ZAP70: variants seen among roughly 807,000 people sequenced by gnomAD.
ZAP70 encodes zeta chain of T cell receptor associated protein kinase 70.
A neutral mutation model predicts 65.8 loss-of-function variants in ZAP70; 27 were observed. That is an observed-to-expected ratio of 0.41 (90% confidence interval 0.30 to 0.57). The LOEUF is 0.57. Ranked by LOEUF, ZAP70 falls within the 20% of genes least tolerant of loss-of-function variation. The pLI is 0.28. For synonymous variants in ZAP70, 363 were observed against 360.8 expected, an observed-to-expected ratio of 1.01 and a Z score of -0.07; for missense variants, 696 against 870.5, an observed-to-expected ratio of 0.80 and a Z score of 2.52.
Position 97,737,939 on chromosome 2 carries a change from G to T in ZAP70, c.1623+42G>T. 6.2e-7 allele frequency: 1 copy of T among 1,614,010 alleles called. No homozygotes were observed. Among genetic ancestry groups the T allele is most frequent in the South Asian group, 1.1e-5 (1 of 91,084 alleles). ...GCAGGTGGGCGGTGTGGTGGGGAGG[G>T]GGATGAGGAGGAGGACACTGGTCAC... On this transcript the variant is annotated intron_variant, in intron 12 of 13. Transcript: ENST00000264972. The surrounding 1 kb of genome is among the most constrained non-coding windows in gnomAD (Gnocchi z 5.0).
intron 3 of ZAP70, 64 bp downstream of exon 3, chr2:97,724,502 T>G: frequency 6.6e-7 from 1 of 1,507,926 alleles, no homozygotes. Context: ...AGTCGAGGGT[T>G]TTGGGGGGAT....
intron 4 of ZAP70, among the ~76,000 whole-genome samples, chr2:97,726,828 A>G (rs1204813971): frequency 6.6e-6 from 1 of 152,264 alleles, no homozygotes; most frequent in Non-Finnish European, 1.5e-5. Flanking sequence ...TGTTTTCTCT[A>G]AGAGGAAACC....
intron 4 of ZAP70, 97 bp from the exon 5 acceptor site, chr2:97,732,786 G>T: frequency 3.2e-6 from 5 of 1,545,924 alleles, no homozygotes; most frequent in Non-Finnish European, 3.5e-6. Context: ...AAGGCTCTGA[G>T]GTGTGGAGCC....
intron 2 of ZAP70, among the ~76,000 whole-genome samples, chr2:97,721,944 C>T (rs765868888): frequency 2.8e-4 from 42 of 151,030 alleles, no homozygotes; most frequent in African/African-American, 1.2e-4. Flanking sequence ...CCACCATGCC[C>T]GGCTAATTTT....
Position 97,725,208 on chromosome 2 carries a change from C to T in ZAP70, c.519C>T (p.Ala173=), listed in dbSNP as rs759485019. 1.9e-6 allele frequency: 3 copies of T among 1,614,010 alleles called. No individual in the cohort carries two copies. The highest frequency in any genetic ancestry group is 1.1e-5 in the South Asian group (1 of 91,092). Residue 173 remains alanine, a synonymous_variant, in exon 4 of 14, where the codon GCC becomes GCT. Transcript: ENST00000264972. ...WYHSSLTREE[A]ERKLYSGAQT... ...ACAGCAGCCTGACGCGTGAGGAGGC[C>T]GAGCGCAAACTTTACTCTGGGGCGC... is the stretch of plus-strand genomic sequence containing the variant.
the ZAP70 span, among the ~76,000 whole-genome samples, chr2:97,750,993 A>G: frequency 2.6e-5 from 4 of 152,360 alleles, no homozygotes; most frequent in Non-Finnish European, 4.4e-5. Flanking sequence ...ATGAAGAGCA[A>G]ATCAAGGATC....
At chr2:97,725,328 T>C in intron 4 of ZAP70, 76 bp downstream of exon 4, 1 of 1,572,520 alleles carries the variant, frequency 6.4e-7, no homozygotes, top group Non-Finnish European at 8.7e-7. Flanking sequence ...GGGGCAGACG[T>C]GAGTGTGCAG....
At chr2:97,742,412 C>T (rs964993494), downstream of ZAP70, among the ~76,000 whole-genome samples, 1 of 152,248 alleles carries the variant, frequency 6.6e-6, no homozygotes, top group Non-Finnish European at 1.5e-5. Context: ...TTGCTGTGAA[C>T]GTCTCATGGC....
intron 2 of ZAP70, among the ~76,000 whole-genome samples, chr2:97,719,563 G>A (rs990041372): frequency 6.1e-5 from 9 of 148,058 alleles, no homozygotes; most frequent in Non-Finnish European, 1.3e-4. Flanking sequence ...TGGGGGGGGG[G>A]CGCAGACCAG....
intron 9 of ZAP70, 133 bp downstream of exon 9, chr2:97,734,845 C>T (rs925989299): frequency 3.3e-6 from 4 of 1,220,008 alleles, no homozygotes; most frequent in Admixed American, 2.0e-5. Flanking sequence ...TGGGGCAGGA[C>T]GTTGCACGCT....
In ZAP70 at chr2:97,724,303, C is replaced by T. The variant is rs777171551; in HGVS notation, c.267C>T (p.Arg89=). 10 of 1,589,592 alleles carry T rather than the reference C, an allele frequency of 6.3e-6. No individual in the cohort carries two copies. The Admixed American group carries it at 1.5e-4, about 24-fold the overall frequency. The stretch of plus-strand genomic sequence containing the variant: ...CAGAGCTCTGCGAGTTCTACTCGCG[C>T]GACCCCGACGGGCTGCCCTGCAACC... ...GPAELCEFYS[R]DPDGLPCNLR... Residue 89 remains arginine, a synonymous_variant, in exon 3 of 14, where the codon CGC becomes CGT. Coordinates refer to ENST00000264972, the MANE Select transcript of ZAP70 (RefSeq NM_001079.4).
intron 2 of ZAP70, among the ~76,000 whole-genome samples, chr2:97,717,605 G>A (rs1159847028): frequency 6.6e-6 from 1 of 152,228 alleles, no homozygotes; most frequent in Non-Finnish European, 1.5e-5. Context: ...TGTAATGGGG[G>A]CTTCTGATGC....
intron 4 of ZAP70, among the ~76,000 whole-genome samples, chr2:97,732,463 C>G (rs1343872987): frequency 2.6e-5 from 4 of 152,154 alleles, no homozygotes; most frequent in Non-Finnish European, 5.9e-5. Context: ...CCGAGTGTAC[C>G]CCCAATGAGT....
intron 2 of ZAP70, among the ~76,000 whole-genome samples, chr2:97,718,894 T>G (rs982130407): frequency 3.9e-5 from 6 of 152,022 alleles, no homozygotes; most frequent in Non-Finnish European, 7.4e-5. Context: ...GCTCCATGAG[T>G]CTTCAAGGAT....
chr2:97,750,850 CTTAGA>C, the ZAP70 span, among the ~76,000 whole-genome samples: 13 of 152,296 alleles, frequency 8.5e-5, no homozygotes, highest in East Asian at 1.9e-4. Context: ...AAAGAATGGA[CTTAGA>C]TTAGTCGGTT....
rs1472139586 is a variant in ZAP70 at position 97,737,370 on chromosome 2, A to C, written c.1290-103A>C. The stretch of plus-strand genomic sequence containing the variant: ...GTGCTCAATAAGCGTTTTTGAACAC[A>C]TGGTCACCTGGCTCATGCCCAGCTG... On this transcript the variant is annotated intron_variant, in intron 10 of 13. Coordinates refer to ENST00000264972, the MANE Select transcript of ZAP70 (RefSeq NM_001079.4). The surrounding 1 kb of genome is among the most constrained non-coding windows in gnomAD (Gnocchi z 5.0). The C allele has an allele frequency of 1.6e-6, 2 of 1,281,948 alleles. No homozygotes were observed. The highest frequency in any genetic ancestry group is 2.5e-5 in the South Asian group (2 of 80,604). 79.4% of individuals were successfully genotyped at this position (1,281,948 alleles called of 1,614,324 possible).
At chr2:97,732,736 G>A in intron 4 of ZAP70, 147 bp from the exon 5 acceptor site, 3 of 1,170,732 alleles carry the variant, frequency 2.6e-6, no homozygotes, top group Non-Finnish European at 3.6e-6. Flanking sequence ...GAGGTGATGG[G>A]GGCCTGGCCT....
In ZAP70 at chr2:97,724,365, C is replaced by T. The variant is rs1263938808; in HGVS notation, c.329C>T (p.Pro110Leu). Residue 110 changes from proline (P) to leucine (L), a missense_variant, in exon 3 of 14, where the codon CCG becomes CTG. Transcript: ENST00000264972. ...KPCNRPSGLE[P>L]QPGVFDCLRD... ...TGCAACCGGCCGTCGGGCCTCGAGC[C>T]GCAGCCGGGGGTCTTCGACTGCCTG... is the stretch of plus-strand genomic sequence containing the variant. 1.9e-6 allele frequency: 3 copies of T among 1,546,858 alleles called. No homozygotes were observed. The highest frequency in any genetic ancestry group is 1.8e-5 in the Admixed American group (1 of 54,750).
chr2:97,750,403 T>C, the ZAP70 span, among the ~76,000 whole-genome samples: 10 of 152,302 alleles, frequency 6.6e-5, no homozygotes, highest in Non-Finnish European at 1.2e-4. Flanking sequence ...AGGGGTTTGC[T>C]CTGGAGTGGA....
Sources: allele counts gnomAD v4.1 joint callset (sites outside exome capture counted in the v4.1 genomes callset), GRCh38; gene constraint gnomAD v4.1.1; non-coding constraint Gnocchi (gnomAD v3.1); transcripts MANE v1.5; gene names NCBI Gene and HGNC (gene_info 2026-07-23, HGNC 2026-07-21).